The following TP63 variants were observed in gnomAD, a reference collection of about 807,000 sequenced individuals.
TP63 encodes the protein tumor protein p63, also known as tumor protein 63.
Under a neutral mutation model 82.8 loss-of-function variants are expected in TP63, and 17 were observed. The ratio of observed to expected loss-of-function variants is 0.21; its 90% confidence interval spans 0.14 to 0.31. TP63 has a LOEUF of 0.31. TP63 is among the 10% of genes least tolerant of loss of function. The pLI, the probability that TP63 is intolerant of heterozygous loss-of-function variation, is 1.00. For synonymous variants in TP63, 330 were observed against 321.7 expected (o/e 1.03, Z -0.28); for missense variants, 648 against 895.3 (o/e 0.72, Z 3.52).
chr3:189,890,677 A>ATG, intron 12 of TP63, 112 bp from the exon 13 acceptor site: 1 of 829,180 alleles, frequency 1.2e-6, no homozygotes, highest in East Asian at 2.6e-5. Context: ...CTCATCTCTG[A>ATG]TGTGGGGCAT....
chr3:189,796,853 T>C (rs1278869212), intron 3 of TP63, among the ~76,000 whole-genome samples: 2 of 152,088 alleles, frequency 1.3e-5, no homozygotes, highest in Non-Finnish European at 2.9e-5. Flanking sequence ...TGATTGCATG[T>C]TTGATATGGA....
intron 10 of TP63, chr3:189,880,040 CT>C (rs769489396): frequency 1.2e-6 from 2 of 1,605,272 alleles, no homozygotes; most frequent in Non-Finnish European, 1.7e-6. Context: ...TTCATTTTTT[CT>C]TTTCTCTGGT....
At chr3:189,744,695 G>A (rs897367599) in intron 3 of TP63, among the ~76,000 whole-genome samples, 7 of 152,212 alleles carry the variant, frequency 4.6e-5, no homozygotes, top group African/African-American at 1.7e-4. Flanking sequence ...TCTTGCCACT[G>A]CTAATGCCAT....
intron 4 of TP63, among the ~76,000 whole-genome samples, chr3:189,839,017 A>G (rs55980479): frequency 0.57 from 80,633 of 140,846 alleles, 23,485 homozygotes; most frequent in Admixed American, 0.6. Context: ...AAGGTGCACT[A>G]AAAAGCAACT....
chr3:189,777,456 C>A (rs990566226), intron 3 of TP63, among the ~76,000 whole-genome samples: 59 of 152,246 alleles, frequency 3.9e-4, no homozygotes, highest in Admixed American at 2.3e-3. Context: ...CTCCGTCTCC[C>A]AAAATGCTGG....
intron 1 of TP63, among the ~76,000 whole-genome samples, chr3:189,715,419 T>C (rs1718888313): frequency 6.6e-6 from 1 of 152,244 alleles, no homozygotes; most frequent in African/African-American, 2.4e-5. Context: ...TAGAAGAAGA[T>C]AAGGTATAAC....
Position 189,808,382 on chromosome 3 carries a change from G to C in TP63, c.435G>C (p.Ala145=), listed in dbSNP as rs546908184. Residue 145 remains alanine (A), a synonymous_variant, in exon 4 of 14, where the codon GCG becomes GCC. Coordinates refer to ENST00000264731, the MANE Select transcript of TP63 (RefSeq NM_003722.5). ...NTDHAQNSVT[A]PSPYAQPSST... ...ACCACGCGCAGAACAGCGTCACGGC[G>C]CCCTCGCCCTACGCACAGCCCAGCT... 5.6e-6 allele frequency: 9 copies of C among 1,614,090 alleles called. No homozygotes were observed. The South Asian group carries it at 7.7e-5, about 14-fold the overall frequency.
chr3:189,777,580 T>A (rs1723896476), intron 3 of TP63, among the ~76,000 whole-genome samples: 2 of 151,922 alleles, frequency 1.3e-5, no homozygotes, highest in African/African-American at 4.8e-5. Context: ...AAATGTCGAT[T>A]TCCTCTTCCT....
At chr3:189,818,173 G>A (rs1014829766) in intron 4 of TP63, among the ~76,000 whole-genome samples, 1 of 151,600 alleles carries the variant, frequency 6.6e-6, no homozygotes, top group South Asian at 2.1e-4. Context: ...AATATAAATT[G>A]CCTTGAAAAT....
At chr3:189,606,097 G>A in the TP63 span, among the ~76,000 whole-genome samples, 3 of 152,164 alleles carry the variant, frequency 2.0e-5, no homozygotes, top group Admixed American at 1.3e-4. Context: ...TAACCACATG[G>A]TAGAGGAAAG....
chr3:189,622,886 C>A, the TP63 span, among the ~76,000 whole-genome samples: 3 of 152,172 alleles, frequency 2.0e-5, no homozygotes, highest in African/African-American at 7.2e-5. Flanking sequence ...GAGATACTGT[C>A]TGTGAAAGTG....
chr3:189,613,173 C>T, the TP63 span, among the ~76,000 whole-genome samples: 28 of 152,192 alleles, frequency 1.8e-4, no homozygotes, highest in African/African-American at 6.7e-4. Context: ...TATGGCAGCT[C>T]CCCCAATCAC....
intron 3 of TP63, among the ~76,000 whole-genome samples, chr3:189,798,581 G>A (rs1185842891): frequency 6.6e-6 from 1 of 152,144 alleles, no homozygotes; most frequent in East Asian, 1.9e-4. Context: ...CTGTTCCCTT[G>A]ATTCAGTTTA....
chr3:189,678,306 A>C (rs967239891), intron 1 of TP63, among the ~76,000 whole-genome samples: 1 of 152,110 alleles, frequency 6.6e-6, no homozygotes, highest in African/African-American at 2.4e-5. Context: ...ATTCCTCTGC[A>C]TATGGCTATA....
rs1717416072 is a variant in TP63, at chr3:189,864,297, G to A, written c.645G>A (p.Val215=). Residue 215 remains valine, a synonymous_variant, in exon 5 of 14, where the codon GTG becomes GTA. Coordinates refer to ENST00000264731, the MANE Select transcript of TP63 (RefSeq NM_003722.5). ...IAKTCPIQIK[V]MTPPPQGAVI... ...AGACATGCCCCATCCAGATCAAGGT[G>A]ATGACCCCACCTCCTCAGGGAGCTG... is the stretch of plus-strand genomic sequence containing the variant. 1 of 1,614,062 alleles carries A rather than the reference G, an allele frequency of 6.2e-7. No individual in the cohort carries two copies. The highest frequency in any genetic ancestry group is 1.7e-5 in the Admixed American group (1 of 60,004).
chr3:189,744,034 C>T (rs141801193), intron 3 of TP63, among the ~76,000 whole-genome samples: 110 of 152,266 alleles, frequency 7.2e-4, no homozygotes, highest in African/African-American at 2.6e-3. Context: ...GACACCATTT[C>T]AAAAACCCAG....
rs566567759 is a variant in TP63, at chr3:189,896,681, A to G, written c.*2179A>G. ...AGGACTTCCGAGCTATGTCAGTACT[A>G]TTCAGGTAACACTAGGGCCTTGGAA... On this transcript the variant is annotated 3_prime_UTR_variant, in exon 14 of 14. Transcript: ENST00000264731. 4.9e-6 allele frequency: 1 copy of G among 204,878 alleles called. No individual in the cohort carries two copies. Among genetic ancestry groups the G allele is most frequent in the Non-Finnish European group, 1.0e-5 (1 of 99,748 alleles). 12.7% of individuals were successfully genotyped at this position (204,878 alleles called of 1,614,324 possible).
chr3:189,642,978 A>AATTAATTAATTTATTT (rs1204363196), intron 1 of TP63, among the ~76,000 whole-genome samples: 3 of 137,704 alleles, frequency 2.2e-5, no homozygotes, highest in Non-Finnish European at 3.2e-5. Context: ...CAGACAGCCA[A>AATTAATTAATTTATTT]ATTTATTTAT....
At position 189,896,845 on chromosome 3, in the gene TP63, C is replaced by G. The variant is rs1721511485; in HGVS notation, c.*2343C>G. ...GTAAAAGGATAGTAAGCATAGAAAC[C>G]ACTAGAAAGTGGGCTTAATGGAGTT... On this transcript the variant is annotated 3_prime_UTR_variant, in exon 14 of 14. Coordinates refer to ENST00000264731, the MANE Select transcript of TP63 (RefSeq NM_003722.5). The G allele has an allele frequency of 9.3e-6, 2 of 214,070 alleles. No homozygotes were observed. The highest frequency in any genetic ancestry group is 1.2e-4 in the Admixed American group (2 of 17,102). 13.3% of individuals were successfully genotyped at this position (214,070 alleles called of 1,614,324 possible).
Sources: allele counts gnomAD v4.1 joint callset (sites outside exome capture counted in the v4.1 genomes callset), GRCh38; gene constraint gnomAD v4.1.1; transcripts MANE v1.5; gene names NCBI Gene and HGNC (gene_info 2026-07-23, HGNC 2026-07-21).